The following SLC35F4 variants were observed in gnomAD, a reference collection of about 807,000 sequenced individuals.
The protein encoded by SLC35F4 is solute carrier family 35 member F4.
Under a neutral mutation model 44.2 loss-of-function variants are expected in SLC35F4, and 24 were observed. That is an observed-to-expected ratio of 0.54 (90% CI 0.39 to 0.76). SLC35F4 has a LOEUF of 0.76. SLC35F4 is among the 30% of genes least tolerant of loss of function. The pLI, the probability that SLC35F4 is intolerant of heterozygous loss-of-function variation, is 0.00. For missense variants in SLC35F4, 562 were observed against 586.1 expected, an observed-to-expected ratio of 0.96 and a Z score of 0.42; for synonymous variants, 238 against 223.6, an observed-to-expected ratio of 1.06 and a Z score of -0.57.
At chr14:57,879,300 C>T (rs1269082672) in intron 1 of SLC35F4, among the ~76,000 whole-genome samples, 3 of 152,084 alleles carry the variant, frequency 2.0e-5, no homozygotes, top group Non-Finnish European at 2.9e-5. Context: ...GCCTTTGTCG[C>T]TAAATACACT....
Position 57,865,987 on chromosome 14 carries a change from A to ACGGCGG in SLC35F4, c.-163_-162insCCGCCG, listed in dbSNP as rs1555398702. ...CCCGGCGCAGCACCGGCTCCGCATCACAGCGGCGGCGGCGGCGGCGGCGGC... is the reference window on the plus strand; with the variant it reads ...CCCGGCGCAGCACCGGCTCCGCATCACGGCGGCAGCGGCGGCGGCGGCGGCGGCGGC... On this transcript the variant is annotated 5_prime_UTR_variant, in exon 1 of 8. Coordinates refer to ENST00000556826, the MANE Select transcript of SLC35F4 (RefSeq NM_001306087.2). The ACGGCGG allele has an allele frequency of 3.8e-5, 15 of 391,802 alleles. No individual in the cohort carries two copies. In the East Asian group the frequency reaches 7.9e-4, roughly 21 times the overall value. The allele number at this position is 391,802 out of a possible 1,614,324, so 24.3% of individuals were successfully genotyped here.
chr14:57,843,749 T>C (rs1454785025), intron 1 of SLC35F4, among the ~76,000 whole-genome samples: 1 of 152,170 alleles, frequency 6.6e-6, no homozygotes, highest in African/African-American at 2.4e-5. Flanking sequence ...AACTGTACTT[T>C]TATTCATCAG....
At chr14:57,691,296 T>A (rs1367828522) in intron 1 of SLC35F4, among the ~76,000 whole-genome samples, 1 of 152,164 alleles carries the variant, frequency 6.6e-6, no homozygotes, top group Non-Finnish European at 1.5e-5. Flanking sequence ...TATCACACAC[T>A]ATAATGGACT....
chr14:57,606,672 T>C, intron 1 of SLC35F4, among the ~76,000 whole-genome samples: 1 of 152,190 alleles, frequency 6.6e-6, no homozygotes. Flanking sequence ...TCTTGCAATG[T>C]CAACCACTCT....
At chr14:57,678,794 G>A (rs117224951) in intron 1 of SLC35F4, among the ~76,000 whole-genome samples, 22,182 of 152,014 alleles carry the variant, frequency 0.15, 1,887 homozygotes, top group East Asian at 0.29. Context: ...ATTACGTAAT[G>A]GTAAATGGAT....
At chr14:57,575,503 GA>G (rs369076977) in intron 4 of SLC35F4, among the ~76,000 whole-genome samples, 48 of 148,006 alleles carry the variant, frequency 3.2e-4, no homozygotes, top group African/African-American at 8.4e-4. Flanking sequence ...AAAAGATGGG[GA>G]AAAAAAAAAC....
At chr14:57,645,637 T>C (rs940567729) in intron 1 of SLC35F4, among the ~76,000 whole-genome samples, 4 of 151,340 alleles carry the variant, frequency 2.6e-5, no homozygotes, top group African/African-American at 4.8e-5. Flanking sequence ...CTGATTGCCC[T>C]GACCAGAACT....
rs150678291 is a variant in SLC35F4 at position 57,832,063 on chromosome 14, C to A, written c.103+33660G>T. 6.2e-3 allele frequency among the ~76,000 whole-genome samples: 946 copies of A among 152,270 alleles called. 11 individuals are homozygous for A. The highest frequency in any genetic ancestry group is 0.034 in the Middle Eastern group (10 of 294). Reference sequence around the variant, plus strand: ...TTTATCACGTATTATTTAATAAATTCATGAATCTACAAACCAGAAGATGTG... The same window carrying A: ...TTTATCACGTATTATTTAATAAATTAATGAATCTACAAACCAGAAGATGTG... On this transcript the variant is annotated intron_variant, in intron 1 of 7. Coordinates refer to ENST00000556826, the MANE Select transcript of SLC35F4 (RefSeq NM_001306087.2).
chr14:57,720,678 T>G (rs2076061577), intron 1 of SLC35F4, among the ~76,000 whole-genome samples: 1 of 152,066 alleles, frequency 6.6e-6, no homozygotes, highest in South Asian at 2.1e-4. Flanking sequence ...GTGAGAGTGT[T>G]GCCAAAGGAG....
intron 1 of SLC35F4, among the ~76,000 whole-genome samples, chr14:57,855,512 T>C (rs1312204170): frequency 4.6e-5 from 7 of 152,332 alleles, no homozygotes; most frequent in Non-Finnish European, 1.0e-4. Flanking sequence ...CCAGTTAGAA[T>C]GGCGATCATT....
rs1297268348 is a variant in SLC35F4, at chr14:57,807,810, A to G, written c.103+57913T>C. Among the ~76,000 whole-genome samples, 10 of 151,836 alleles carry G rather than the reference A, an allele frequency of 6.6e-5. 1 individual carries two copies. The highest frequency in any genetic ancestry group is 2.6e-4 in the Admixed American group (4 of 15,268). On this transcript the variant is annotated intron_variant, in intron 1 of 7. Transcript: ENST00000556826. ...TGTATTAGTCTGTCCTCATGCCGCT[A>G]ATAAAGACATACCTGAGACTGGGTA...
At chr14:57,844,667 T>C (rs1302234514) in intron 1 of SLC35F4, among the ~76,000 whole-genome samples, 3 of 152,174 alleles carry the variant, frequency 2.0e-5, no homozygotes, top group Non-Finnish European at 2.9e-5. Flanking sequence ...ATGCAGGAAA[T>C]AGAGAATTCT....
At chr14:57,647,855 G>A (rs1221067855) in intron 1 of SLC35F4, among the ~76,000 whole-genome samples, 1 of 152,080 alleles carries the variant, frequency 6.6e-6, no homozygotes, top group Admixed American at 6.6e-5. Context: ...ACCCCGGCCT[G>A]TCCTCAGCAA....
At chr14:57,953,144 A>C (rs1199112806) in intron 1 of SLC35F4, among the ~76,000 whole-genome samples, 1 of 152,226 alleles carries the variant, frequency 6.6e-6, no homozygotes, top group Non-Finnish European at 1.5e-5. Context: ...CAACATTCTT[A>C]AAGAAAGTAA....
At chr14:57,774,135 G>C (rs1463827716) in intron 1 of SLC35F4, among the ~76,000 whole-genome samples, 2 of 152,122 alleles carry the variant, frequency 1.3e-5, no homozygotes, top group African/African-American at 4.8e-5. Context: ...TGACTGGCAG[G>C]CTACTAGCAG....
chr14:57,832,474 T>A (rs1020029928), intron 1 of SLC35F4, among the ~76,000 whole-genome samples: 1 of 152,182 alleles, frequency 6.6e-6, no homozygotes, highest in Non-Finnish European at 1.5e-5. Context: ...TATATTGTAT[T>A]TTTGTTAATA....
At chr14:57,758,085 T>C (rs922958839) in intron 1 of SLC35F4, among the ~76,000 whole-genome samples, 33 of 151,886 alleles carry the variant, frequency 2.2e-4, no homozygotes, top group Non-Finnish European at 4.7e-4. Context: ...GGCTTTTCAC[T>C]TGCATTATTT....
chr14:57,973,625 T>C (rs76354294), downstream of SLC35F4, among the ~76,000 whole-genome samples: 1 of 151,824 alleles, frequency 6.6e-6, no homozygotes, highest in Non-Finnish European at 1.5e-5. Context: ...GACATGGAGT[T>C]GGGAGGGACA....
At chr14:57,900,016 C>T (rs572336887) in intron 1 of SLC35F4, among the ~76,000 whole-genome samples, 17 of 152,050 alleles carry the variant, frequency 1.1e-4, no homozygotes, top group Non-Finnish European at 1.5e-4. Flanking sequence ...CATTTTTGTC[C>T]GATTAGAGTG....
Sources: allele counts gnomAD v4.1 joint callset (sites outside exome capture counted in the v4.1 genomes callset), GRCh38; gene constraint gnomAD v4.1.1; transcripts MANE v1.5; gene names NCBI Gene and HGNC (gene_info 2026-07-23, HGNC 2026-07-21).